The following MICAL3 variants were observed in gnomAD, a reference collection of about 807,000 sequenced individuals.
The protein encoded by MICAL3 is [F-actin]-monooxygenase MICAL3.
MICAL3 carries 62 observed loss-of-function variants against 207.4 expected under a neutral mutation model. The observed-to-expected ratio is 0.30, with a 90% CI of 0.24 to 0.37. The LOEUF is 0.37. Ranked by LOEUF, MICAL3 falls within the 10% of genes least tolerant of loss-of-function variation. The pLI is 1.00. For synonymous variants in MICAL3, 1,077 were observed against 1,069.3 expected, an observed-to-expected ratio of 1.01 and a Z score of -0.14; for missense variants, 2,368 against 2,635.6, an observed-to-expected ratio of 0.90 and a Z score of 2.22.
At chr22:17,890,581 C>A (rs774857914) in intron 12 of MICAL3, among the ~76,000 whole-genome samples, 4 of 152,198 alleles carry the variant, frequency 2.6e-5, no homozygotes, top group Non-Finnish European at 5.9e-5. Context: ...CCAAGCACAC[C>A]AGAAATCCCC....
chr22:17,870,897 CTGTT>C (rs1380356843), intron 17 of MICAL3, among the ~76,000 whole-genome samples: 5 of 152,214 alleles, frequency 3.3e-5, no homozygotes, highest in East Asian at 3.8e-4. Flanking sequence ...ACAGAGGTGA[CTGTT>C]TGTTCACCCT....
In MICAL3 at chr22:17,798,875, A is replaced by G. The variant is rs368248764; in HGVS notation, c.5651-7574T>C. 2.5e-3 allele frequency among the ~76,000 whole-genome samples: 377 copies of G among 151,648 alleles called. 2 individuals carry two copies. The highest frequency in any genetic ancestry group is 0.012 in the Admixed American group (186 of 15,242). The stretch of plus-strand genomic sequence containing the variant: ...TTTTTAGTAGAGATGGGGTTTCACC[A>G]TGTTAGCCAGGATGGTCTCGATCTC... On this transcript the variant is annotated intron_variant, in intron 29 of 31. Coordinates refer to ENST00000441493, the MANE Select transcript of MICAL3 (RefSeq NM_015241.3).
Position 17,854,550 on chromosome 22 carries a change from CCA to C in MICAL3, c.2605+10347_2605+10348del, listed in dbSNP as rs569964785. Among the ~76,000 whole-genome samples the C allele has an allele frequency of 3.3e-5, 5 of 152,098 alleles. No individual in the cohort carries two copies. In the South Asian group the frequency reaches 1.0e-3, roughly 32 times the overall value. On this transcript the variant is annotated intron_variant, in intron 19 of 31. Coordinates refer to ENST00000441493, the MANE Select transcript of MICAL3 (RefSeq NM_015241.3). ...GAACAGGTAGCTCTGGGCTTGCCGTCCACAGACAGGAAATCCATGAGAGAGGT... is the reference window on the plus strand; with the variant it reads ...GAACAGGTAGCTCTGGGCTTGCCGTCCAGACAGGAAATCCATGAGAGAGGT...
At chr22:17,820,791 T>G (rs1159465040) in intron 25 of MICAL3, among the ~76,000 whole-genome samples, 1 of 149,326 alleles carries the variant, frequency 6.7e-6, no homozygotes, top group African/African-American at 2.4e-5. Flanking sequence ...ATCAAATGTT[T>G]TATACCATTT....
intron 17 of MICAL3, among the ~76,000 whole-genome samples, chr22:17,866,408 G>C (rs974478800): frequency 6.6e-6 from 1 of 152,222 alleles, no homozygotes; most frequent in Admixed American, 6.5e-5. Flanking sequence ...ACAAGTGCAG[G>C]GTGGAGGCGT....
chr22:17,974,426 G>C (rs1022475727), intron 1 of MICAL3, among the ~76,000 whole-genome samples: 1 of 152,216 alleles, frequency 6.6e-6, no homozygotes, highest in East Asian at 1.9e-4. Context: ...TAAGAGCTGT[G>C]TGAGGCCAGG....
At chr22:17,791,330 A>G (rs754085933) in intron 29 of MICAL3, 29 bp from the exon 30 acceptor site, 45 of 1,583,432 alleles carry the variant, frequency 2.8e-5, no homozygotes, top group South Asian at 1.1e-5. Flanking sequence ...TGTCGGGTGC[A>G]GGGAGTGCCG....
intron 1 of MICAL3, among the ~76,000 whole-genome samples, chr22:17,981,805 G>A (rs1336362170): frequency 6.6e-6 from 1 of 152,150 alleles, no homozygotes; most frequent in Non-Finnish European, 1.5e-5. Context: ...TAATTATAAT[G>A]GCGGCAGTTA....
At chr22:17,827,618 T>C in intron 22 of MICAL3, 26 bp downstream of exon 22, 4 of 1,541,138 alleles carry the variant, frequency 2.6e-6, no homozygotes, top group Non-Finnish European at 2.6e-6. Context: ...CGGGGCACAC[T>C]GCGGCCTGGG....
At position 17,988,214 on chromosome 22, in the gene MICAL3, A is replaced by T. The variant is rs1342931625; in HGVS notation, c.-75+36067T>A. On this transcript the variant is annotated intron_variant, in intron 1 of 31. Transcript: ENST00000441493. ...TTTACCAACAGGGGGCTGGAAAGGC[A>T]CCTACCCAGCATTATCCGGGGCGCT... Among the ~76,000 whole-genome samples, 4 of 152,312 alleles carry T rather than the reference A, an allele frequency of 2.6e-5. No individual in the cohort carries two copies. The East Asian group carries it at 7.7e-4, about 29-fold the overall frequency.
At position 17,863,676 on chromosome 22, in the gene MICAL3, T is replaced by A. The variant is rs1262135355; in HGVS notation, c.2605+1223A>T. 3.0e-6 allele frequency: 3 copies of A among 985,356 alleles called. No individual in the cohort carries two copies. In the East Asian group the frequency reaches 3.4e-4, roughly 112 times the overall value. 61.0% of individuals were successfully genotyped at this position (985,356 alleles called of 1,614,324 possible). ...TTCACCTGGCTTGGCTGGGTTCTCA[T>A]GGCTCCCAGGGCACACCGCCTAGCC... is the stretch of plus-strand genomic sequence containing the variant. On this transcript the variant is annotated intron_variant, in intron 19 of 31. Transcript: ENST00000441493.
chr22:17,977,049 C>T (rs1935691072), intron 1 of MICAL3, among the ~76,000 whole-genome samples: 1 of 151,988 alleles, frequency 6.6e-6, no homozygotes, highest in Non-Finnish European at 1.5e-5. Context: ...GTGATCCGCC[C>T]ACCTCCGCCT....
chr22:17,878,370 T>A (rs569712157), intron 16 of MICAL3, among the ~76,000 whole-genome samples: 1 of 152,154 alleles, frequency 6.6e-6, no homozygotes, highest in East Asian at 1.9e-4. Context: ...GGCGAGGCCA[T>A]GGAAAGGGGG....
rs117128087 is a variant in MICAL3, at chr22:17,847,861, C to T, written c.2606-5844G>A. Among the ~76,000 whole-genome samples the T allele has an allele frequency of 5.1e-3, 781 of 152,260 alleles. 6 individuals are homozygous for T. Among genetic ancestry groups the T allele is most frequent in the Non-Finnish European group, 8.7e-3 (591 of 68,016 alleles). ...TTACGTTTTTGTAGGAATAGGGTCT[C>T]GCTATGTTGCCCAGGCTGGTCTTGA... On this transcript the variant is annotated intron_variant, in intron 19 of 31. Transcript: ENST00000441493.
At chr22:17,908,829 G>T (rs562805750) in intron 1 of MICAL3, among the ~76,000 whole-genome samples, 87 of 152,314 alleles carry the variant, frequency 5.7e-4, no homozygotes, top group African/African-American at 1.8e-3. Context: ...GCATGTAGAA[G>T]CAAGAGACTG....
intron 1 of MICAL3, among the ~76,000 whole-genome samples, chr22:18,020,923 A>C: frequency 1.0e-5 from 1 of 97,270 alleles, no homozygotes; most frequent in Admixed American, 9.7e-5. Flanking sequence ...CAAATAAATA[A>C]ATAAATAAAT....
In MICAL3 at chr22:17,900,200, G is replaced by C. The variant is rs377105728; in HGVS notation, c.847+642C>G. Among the ~76,000 whole-genome samples the C allele has an allele frequency of 5.3e-5, 8 of 152,290 alleles. No homozygotes were observed. The South Asian group carries it at 6.2e-4, about 12-fold the overall frequency. ...AAAGTCAGCTTCCCAAGCAAACCAG[G>C]GAGCCACCGGCCAGCAGCTACACCA... On this transcript the variant is annotated intron_variant, in intron 6 of 31. Coordinates refer to ENST00000441493, the MANE Select transcript of MICAL3 (RefSeq NM_015241.3). The surrounding 1 kb of genome is among the most constrained non-coding windows in gnomAD (Gnocchi z 4.0).
At chr22:18,007,322 C>A (rs1923452391) in intron 1 of MICAL3, 1 of 152,066 alleles carries the variant, frequency 6.6e-6, no homozygotes, top group South Asian at 2.1e-4. Context: ...TCTTCTTTTT[C>A]TGTATTATCT....
At chr22:17,861,292 G>A (rs923636005) in intron 19 of MICAL3, 1 of 984,786 alleles carries the variant, frequency 1.0e-6, no homozygotes, top group Non-Finnish European at 1.2e-6. Context: ...CATGGTTATC[G>A]GGCAAGGAAT....
Sources: gnomAD v4.1 joint callset for allele counts (sites outside exome capture counted in the v4.1 genomes callset) on GRCh38, gnomAD v4.1.1 for gene constraint, Gnocchi (gnomAD v3.1) non-coding constraint, MANE v1.5 for transcripts, NCBI Gene and HGNC (gene_info 2026-07-23, HGNC 2026-07-21) for gene names.